Variants in MAGEA11 observed in about 807,000 individuals in gnomAD.
MAGEA11 encodes MAGE family member A11.
A neutral mutation model predicts 8.4 loss-of-function variants in MAGEA11; 1 was observed. The ratio of observed to expected loss-of-function variants is 0.12; its 90% confidence interval spans 0.04 to 0.57. MAGEA11 has a LOEUF of 0.57. Ranked by LOEUF, MAGEA11 falls within the 20% of genes least tolerant of loss-of-function variation. The pLI is 0.91. For synonymous variants in MAGEA11, 127 were observed against 119.3 expected (o/e 1.06, Z -0.42); for missense variants, 209 against 317.3 (o/e 0.66, Z 2.59).
chrX:149,706,171 C>G (rs968541848), intron 1 of MAGEA11, among the ~76,000 whole-genome samples: 6 of 111,934 alleles, frequency 5.4e-5, no homozygotes, highest in Non-Finnish European at 1.1e-4. Flanking sequence ...CCAAACTCAT[C>G]ACAGCCTATG....
chrX:149,700,086 C>T (rs1452050864), intron 1 of MAGEA11, among the ~76,000 whole-genome samples: 5 of 112,561 alleles, frequency 4.4e-5, no homozygotes, highest in African/African-American at 1.6e-4. Context: ...ATGGTCCTTC[C>T]CCTGACATGT....
chrX:149,711,750 A>G (rs2090401390), upstream of MAGEA11: 2 of 715,183 alleles, frequency 2.8e-6, no homozygotes, highest in Non-Finnish European at 3.3e-6. Context: ...CCTCCCGCTC[A>G]CTGCCACCTC....
At chrX:149,713,099 C>T in intron 1 of MAGEA11, 44 bp from the exon 2 acceptor site, 1 of 893,782 alleles carries the variant, frequency 1.1e-6, no homozygotes, top group East Asian at 3.1e-5. Context: ...AACAGCCCCC[C>T]CCCATAGTCC....
chrX:149,712,006 G>A (rs782747078), upstream of MAGEA11: 129 of 745,326 alleles, frequency 1.7e-4, no homozygotes, highest in African/African-American at 3.0e-3. Flanking sequence ...AATCGGGTTC[G>A]CTCCTGCTGT....
chrX:149,696,598 G>A (rs1367433158), intron 1 of MAGEA11, among the ~76,000 whole-genome samples: 2 of 110,901 alleles, frequency 1.8e-5, no homozygotes, highest in Non-Finnish European at 3.8e-5. Flanking sequence ...GAGGGGCACT[G>A]CTTCAGGTAT....
At chrX:149,692,406 CAAA>C (rs375482933) in intron 1 of MAGEA11, among the ~76,000 whole-genome samples, 1 of 94,912 alleles carries the variant, frequency 1.1e-5, no homozygotes, top group Non-Finnish European at 2.1e-5. Context: ...GACCCTGTCT[CAAA>C]AAAAAAAAAA....
chrX:149,707,646 G>A (rs192210124), upstream of MAGEA11, among the ~76,000 whole-genome samples: 1 of 111,495 alleles, frequency 9.0e-6, no homozygotes, highest in Admixed American at 9.5e-5. Context: ...TCTAACCTCC[G>A]TATTGTATCC....
rs782535658 is a variant in MAGEA11, at chrX:149,716,132, T to G, written c.646T>G (p.Ser216Ala). ...STSPDLIDPE[S>A]FSQDILHDKI... is the part of the protein sequence containing the mutation. Reference sequence around the variant, plus strand: ...CTCGCCTGACCTGATAGACCCTGAGTCCTTTTCCCAAGATATACTACATGA... The same window carrying G: ...CTCGCCTGACCTGATAGACCCTGAGGCCTTTTCCCAAGATATACTACATGA... Residue 216 changes from serine (S) to alanine (A), a missense_variant, in exon 5 of 5, where the codon TCC (serine) becomes GCC (alanine). Transcript: ENST00000355220. 6.6e-6 allele frequency: 8 copies of G among 1,210,414 alleles called. No individual in the cohort carries two copies. Among genetic ancestry groups the G allele is most frequent in the Non-Finnish European group, 8.9e-6 (8 of 895,320 alleles).
At chrX:149,703,454 T>C (rs2090362569) in intron 1 of MAGEA11, among the ~76,000 whole-genome samples, 1 of 111,720 alleles carries the variant, frequency 9.0e-6, no homozygotes, top group African/African-American at 3.3e-5. Flanking sequence ...ACCTTTTCTT[T>C]GGCATTCAGT....
chrX:149,707,632 T>C (rs1485456599), upstream of MAGEA11, among the ~76,000 whole-genome samples: 1 of 112,352 alleles, frequency 8.9e-6, no homozygotes, highest in Non-Finnish European at 1.9e-5. Context: ...TTTGGTACAA[T>C]GATTCTAACC....
chrX:149,704,897 C>G (rs2090370132), intron 1 of MAGEA11, among the ~76,000 whole-genome samples: 1 of 112,915 alleles, frequency 8.9e-6, no homozygotes, highest in Non-Finnish European at 1.9e-5. Context: ...GAGCGCAGTG[C>G]TCATGAGACA....
At chrX:149,701,882 T>G (rs1377864688) in intron 1 of MAGEA11, among the ~76,000 whole-genome samples, 1 of 111,802 alleles carries the variant, frequency 8.9e-6, no homozygotes, top group Non-Finnish European at 1.9e-5. Context: ...GTTGTAGATA[T>G]GCGGCGTTAT....
chrX:149,708,118 T>C (rs372468436), upstream of MAGEA11, among the ~76,000 whole-genome samples: 34 of 112,343 alleles, frequency 3.0e-4, no homozygotes, highest in African/African-American at 1.1e-3. Context: ...AGCTTTTGAG[T>C]TTAATTAGGT....
At chrX:149,702,500 T>G (rs2090358747) in intron 1 of MAGEA11, among the ~76,000 whole-genome samples, 1 of 111,323 alleles carries the variant, frequency 9.0e-6, no homozygotes, top group African/African-American at 3.3e-5. Context: ...CTCTTTTGGT[T>G]ACTGCTTGTA....
Position 149,716,001 on chromosome X carries a change from C to T in MAGEA11, c.515C>T (p.Pro172Leu). 1 of 1,211,594 alleles carries T rather than the reference C, an allele frequency of 8.3e-7. No homozygotes were observed. Among genetic ancestry groups the T allele is most frequent in the East Asian group, 3.0e-5 (1 of 33,822 alleles). The change falls in exon 5 of 5, where the codon CCC (proline) becomes CTC (leucine). Residue 172 changes from proline (P) to leucine (L), a missense_variant. Coordinates refer to ENST00000355220, the MANE Select transcript of MAGEA11 (RefSeq NM_005366.5). ...ELPAAESPSP[P>L]QSPQEESFSP... Reference sequence around the variant, plus strand: ...CCTGCTGCTGAGTCACCAAGTCCTCCCCAGAGTCCTCAGGAAGAGTCCTTC... The same window carrying T: ...CCTGCTGCTGAGTCACCAAGTCCTCTCCAGAGTCCTCAGGAAGAGTCCTTC...
chrX:149,700,794 C>G (rs1188553050), intron 1 of MAGEA11, among the ~76,000 whole-genome samples: 20 of 102,265 alleles, frequency 2.0e-4, no homozygotes, highest in Non-Finnish European at 3.4e-4. Flanking sequence ...CAATTCCCAC[C>G]TATGAGTGAG....
In MAGEA11 at chrX:149,713,172, T is replaced by G; in HGVS notation, c.13T>G (p.Phe5Val). METQ[F>V]RRGGLGCSPA... The stretch of plus-strand genomic sequence containing the variant: ...GGGAATCTGAGGGATGGAGACTCAG[T>G]TCCGCAGAGGGGGTCTGGGGTGCAG... Residue 5 changes from phenylalanine (F) to valine (V), a missense_variant, in exon 2 of 5, where the codon TTC becomes GTC. Phe to Val is a conservative substitution (Grantham distance 50, BLOSUM62 -1). Around this residue, in one of 2 missense-constraint regions of MAGEA11, gnomAD observed 131 missense variants for 138.5 expected, o/e 0.95. Transcript: ENST00000355220. 8.3e-7 allele frequency: 1 copy of G among 1,206,442 alleles called. No individual in the cohort carries two copies. Among genetic ancestry groups the G allele is most frequent in the East Asian group, 3.0e-5 (1 of 33,614 alleles).
At chrX:149,701,646 C>T (rs1378602988) in intron 1 of MAGEA11, among the ~76,000 whole-genome samples, 5 of 109,862 alleles carry the variant, frequency 4.6e-5, no homozygotes, top group Non-Finnish European at 9.5e-5. Flanking sequence ...TTGTCCATGC[C>T]TCTGTCCTGA....
At chrX:149,699,539 A>G (rs904301215) in intron 1 of MAGEA11, among the ~76,000 whole-genome samples, 1 of 111,608 alleles carries the variant, frequency 9.0e-6, no homozygotes, top group Non-Finnish European at 1.9e-5. Flanking sequence ...GCTGTGCAAC[A>G]AAGTATTTAT....
Sources: allele counts gnomAD v4.1 joint callset (sites outside exome capture counted in the v4.1 genomes callset), GRCh38; gene constraint gnomAD v4.1.1; regional missense constraint gnomAD v4.1.1; transcripts MANE v1.5; gene names NCBI Gene and HGNC (gene_info 2026-07-23, HGNC 2026-07-21).